HERC2: variants seen among roughly 807,000 people sequenced by gnomAD.
HERC2 encodes the protein HECT and RLD domain containing E3 ubiquitin protein ligase 2.
HERC2 carries 102 observed loss-of-function variants against 537.7 expected under a neutral mutation model. That is an observed-to-expected ratio of 0.19 (90% CI 0.16 to 0.22). The LOEUF is 0.22. HERC2 is among the 10% of genes least tolerant of loss of function. HERC2 has a pLI of 1.00. For synonymous variants in HERC2, 2,224 were observed against 2,466.2 expected (o/e 0.90, Z 2.91); for missense variants, 4,236 against 6,198.2 (o/e 0.68, Z 10.63).
intron 78 of HERC2, among the ~76,000 whole-genome samples, chr15:28,139,347 T>G (rs1278283050): frequency 1.3e-5 from 2 of 152,210 alleles, no homozygotes; most frequent in Non-Finnish European, 2.9e-5. Context: ...TTGCTCTCGC[T>G]GACAGAGTCA....
chr15:28,242,267 C>T (rs1364318660), intron 23 of HERC2, among the ~76,000 whole-genome samples: 8 of 152,160 alleles, frequency 5.3e-5, no homozygotes, highest in African/African-American at 1.9e-4. Context: ...ATTAATGCCA[C>T]TAAATGGTAC....
rs750658651 is a variant in HERC2, at chr15:28,263,053, G to A, written c.1987C>T (p.Arg663Cys). 24 of 1,614,000 alleles carry A rather than the reference G, an allele frequency of 1.5e-5. No individual in the cohort carries two copies. Among genetic ancestry groups the A allele is most frequent in the Middle Eastern group, 1.6e-4 (1 of 6,084 alleles). The change falls in exon 15 of 93, where the codon CGC becomes TGC. Residue 663 changes from arginine to cysteine, a missense_variant. Transcript: ENST00000261609. ...KLQDLDVVKV[R>C]CGSQFSIALT... is the part of the protein sequence containing the mutation. Reference sequence around the variant, plus strand: ...GCAATGGAAAACTGACTTCCACAGCGGACTTTGACCACATCCAAGTCTTGA... The same window carrying A: ...GCAATGGAAAACTGACTTCCACAGCAGACTTTGACCACATCCAAGTCTTGA...
intron 2 of HERC2, chr15:28,315,826 C>T (rs368232924): frequency 6.4e-4 from 496 of 777,974 alleles, no homozygotes; most frequent in African/African-American, 6.2e-3. Flanking sequence ...GAATGCCAGA[C>T]GCTGGGGATG....
At chr15:28,175,086 C>T (rs1262007832) in intron 64 of HERC2, among the ~76,000 whole-genome samples, 1 of 151,536 alleles carries the variant, frequency 6.6e-6, no homozygotes, top group Non-Finnish European at 1.5e-5. Flanking sequence ...ATTGAATATC[C>T]ATAAGCCAGT....
intron 82 of HERC2, 28 bp downstream of exon 82, chr15:28,130,475 G>C: frequency 6.2e-7 from 1 of 1,604,606 alleles, no homozygotes. Context: ...TGGTTTTAGT[G>C]GGTTTAAACA....
chr15:28,267,450 T>C (rs1223357251), intron 12 of HERC2, among the ~76,000 whole-genome samples: 1 of 152,212 alleles, frequency 6.6e-6, no homozygotes, highest in Non-Finnish European at 1.5e-5. Flanking sequence ...TAAGCAGACA[T>C]ACCACCCTGT....
intron 65 of HERC2, among the ~76,000 whole-genome samples, chr15:28,173,563 C>G (rs1231492188): frequency 2.6e-5 from 4 of 152,004 alleles, no homozygotes; most frequent in African/African-American, 9.7e-5. Context: ...CTTTGGGAGG[C>G]CAAGATGGGA....
At chr15:28,261,098 T>C in intron 15 of HERC2, 128 bp from the exon 16 acceptor site, 1 of 670,790 alleles carries the variant, frequency 1.5e-6, no homozygotes, top group Admixed American at 3.0e-5. Context: ...TGCTTTGCTT[T>C]AATATTAAGC....
chr15:28,138,527 C>T (rs1349375675), intron 78 of HERC2, among the ~76,000 whole-genome samples: 1 of 152,166 alleles, frequency 6.6e-6, no homozygotes, highest in Non-Finnish European at 1.5e-5. Flanking sequence ...GAAGTCAGCA[C>T]ATTTGTTTAC....
chr15:28,227,996 A>G (rs1901400187), intron 35 of HERC2, among the ~76,000 whole-genome samples: 1 of 152,162 alleles, frequency 6.6e-6, no homozygotes, highest in Non-Finnish European at 1.5e-5. Context: ...GTGCATTTAT[A>G]GTGATGAAAA....
At chr15:28,142,982 C>T (rs1891375811) in intron 74 of HERC2, 30 bp from the exon 75 acceptor site, 3 of 1,603,926 alleles carry the variant, frequency 1.9e-6, no homozygotes, top group Non-Finnish European at 1.7e-6. Flanking sequence ...TATTCTATCG[C>T]AGGAATCCAG....
chr15:28,198,615 T>C lies in HERC2; in HGVS notation c.7871A>G (p.His2624Arg), dbSNP rs1897587094. The C allele has an allele frequency of 1.2e-6, 2 of 1,613,426 alleles. No homozygotes were observed. Among genetic ancestry groups the C allele is most frequent in the Non-Finnish European group, 1.7e-6 (2 of 1,179,680 alleles). The change falls in exon 49 of 93, where the codon CAT becomes CGT. Residue 2624 changes from histidine to arginine, a missense_variant. This residue lies in a region of HERC2 where 606 missense variants were observed against 884.5 expected (regional missense o/e 0.69). Transcript: ENST00000261609. The part of the protein sequence containing the change: ...KGGTYWVRYI[H>R]VELIGYPPPS... ...AATGTGCTCACCTATAAGTTCCACA[T>C]GAATGTACCTAACCCAGTAGGTGCC...
At chr15:28,200,846 T>C (rs1897836218) in intron 48 of HERC2, among the ~76,000 whole-genome samples, 1 of 142,024 alleles carries the variant, frequency 7.0e-6, no homozygotes, top group Non-Finnish European at 1.5e-5. Flanking sequence ...ATGAGATGAT[T>C]TGGGGGATTT....
At chr15:28,319,821 A>G (rs903867107) in intron 2 of HERC2, among the ~76,000 whole-genome samples, 1 of 152,206 alleles carries the variant, frequency 6.6e-6, no homozygotes, top group Non-Finnish European at 1.5e-5. Context: ...AATTATTAAG[A>G]AAAACACTTT....
At position 28,248,570 on chromosome 15, in the gene HERC2, G is replaced by C. The variant is rs1311605271; in HGVS notation, c.3217C>G (p.Gln1073Glu). The C allele has an allele frequency of 6.2e-7, 1 of 1,613,598 alleles. No individual in the cohort carries two copies. The highest frequency in any genetic ancestry group is 8.5e-7 in the Non-Finnish European group (1 of 1,179,578). ...AACTTACTAGAAATATCTGAGGTCTGACCAATACTTTCTCCTGGATAAAGT... is the reference window on the plus strand; with the variant it reads ...AACTTACTAGAAATATCTGAGGTCTCACCAATACTTTCTCCTGGATAAAGT... The part of the protein sequence containing the change: ...SKLYPGESIG[Q>E]TSDISSPELM... Residue 1073 changes from glutamine (Q) to glutamate (E), a missense_variant, in exon 21 of 93, where the codon CAG becomes GAG. By Grantham distance (29) the Gln-to-Glu change is conservative. Around this residue, in one of 27 missense-constraint regions of HERC2, gnomAD observed 754 missense variants for 1,085.0 expected, o/e 0.69. Coordinates refer to ENST00000261609, the MANE Select transcript of HERC2 (RefSeq NM_004667.6).
chr15:28,211,875 G>A (rs1365816466), intron 43 of HERC2, among the ~76,000 whole-genome samples: 3 of 152,166 alleles, frequency 2.0e-5, no homozygotes, highest in Non-Finnish European at 4.4e-5. Flanking sequence ...GGCAGAATAC[G>A]CCATAGTTAC....
At chr15:28,245,564 TATACACACACACACACACACACAC>T (rs1156433923) in intron 23 of HERC2, among the ~76,000 whole-genome samples, 1 of 108,950 alleles carries the variant, frequency 9.2e-6, no homozygotes, top group East Asian at 3.6e-4. Context: ...AAAAAAAATA[TATACACACACACACACACACACAC>T]ACACACACAC....
At chr15:28,321,104 A>T (rs1393515014) in intron 2 of HERC2, among the ~76,000 whole-genome samples, 1 of 152,132 alleles carries the variant, frequency 6.6e-6, no homozygotes, top group Non-Finnish European at 1.5e-5. Context: ...CAGTAATAAT[A>T]AATAGGAAAA....
intron 57 of HERC2, 136 bp downstream of exon 57, chr15:28,182,265 G>A: frequency 1.8e-6 from 1 of 550,782 alleles, no homozygotes; most frequent in Non-Finnish European, 3.2e-6. Flanking sequence ...GCTTCTGAGG[G>A]GTAATTTGAT....
Sources: allele counts gnomAD v4.1 joint callset (sites outside exome capture counted in the v4.1 genomes callset), GRCh38; gene constraint gnomAD v4.1.1; regional missense constraint gnomAD v4.1.1; transcripts MANE v1.5; gene names NCBI Gene and HGNC (gene_info 2026-07-23, HGNC 2026-07-21).